CYP7B1: variants seen among roughly 807,000 people sequenced by gnomAD.
CYP7B1 encodes the protein cytochrome P450 7B1.
Under a neutral mutation model 42.7 loss-of-function variants are expected in CYP7B1, and 29 were observed. The observed-to-expected ratio is 0.68, with a 90% CI of 0.51 to 0.93. The LOEUF (loss-of-function observed/expected upper bound fraction) is 0.93, where lower values mean the gene tolerates loss of function less well. Ranked by LOEUF, CYP7B1 falls within the 40% of genes least tolerant of loss-of-function variation. The probability of loss-of-function intolerance (pLI) is 0.00; values close to 1 mark genes in which losing one functional copy is unlikely to be tolerated. For synonymous variants in CYP7B1, 235 were observed against 218.2 expected (o/e 1.08, Z -0.68); for missense variants, 655 against 600.5 (o/e 1.09, Z -0.95).
chr8:64,702,807 G>A (rs543676435), intron 1 of CYP7B1, among the ~76,000 whole-genome samples: 1 of 152,188 alleles, frequency 6.6e-6, no homozygotes, highest in East Asian at 1.9e-4. Context: ...CGGGCATGCA[G>A]AACCTAATGT....
intron 1 of CYP7B1, among the ~76,000 whole-genome samples, chr8:64,650,087 TTGCCTG>T (rs917698297): frequency 3.9e-5 from 6 of 152,336 alleles, no homozygotes; most frequent in Non-Finnish European, 7.3e-5. Flanking sequence ...TTTTATTTTG[TTGCCTG>T]TGCCTGTGCA....
At chr8:64,760,482 T>C (rs532878909) in intron 1 of CYP7B1, among the ~76,000 whole-genome samples, 16 of 152,146 alleles carry the variant, frequency 1.1e-4, no homozygotes, top group African/African-American at 3.9e-4. Flanking sequence ...CTAAAATATA[T>C]AAGGAATTCA....
intron 1 of CYP7B1, among the ~76,000 whole-genome samples, chr8:64,789,061 C>G (rs746320238): frequency 2.0e-5 from 3 of 152,120 alleles, no homozygotes; most frequent in Non-Finnish European, 4.4e-5. Context: ...GCTGGGATTA[C>G]AGGCACGCAC....
At chr8:64,688,351 C>T (rs1364133099) in intron 1 of CYP7B1, among the ~76,000 whole-genome samples, 1 of 152,156 alleles carries the variant, frequency 6.6e-6, no homozygotes, top group Non-Finnish European at 1.5e-5. Context: ...TTCCATTTCT[C>T]CTTTCTTCCT....
At chr8:64,791,137 A>G (rs906828629) in intron 1 of CYP7B1, among the ~76,000 whole-genome samples, 4 of 152,168 alleles carry the variant, frequency 2.6e-5, no homozygotes, top group African/African-American at 9.7e-5. Context: ...TTGATCTTAG[A>G]CTTCTAGCCT....
At chr8:64,749,311 T>A (rs917879447) in intron 1 of CYP7B1, among the ~76,000 whole-genome samples, 1 of 152,058 alleles carries the variant, frequency 6.6e-6, no homozygotes, top group African/African-American at 2.4e-5. Flanking sequence ...GAACTTGTGA[T>A]CTCAGGTGAT....
At chr8:64,691,488 G>A (rs981138174) in intron 1 of CYP7B1, among the ~76,000 whole-genome samples, 1 of 148,534 alleles carries the variant, frequency 6.7e-6, no homozygotes, top group African/African-American at 2.5e-5. Context: ...CAACTGGGGG[G>A]GGGGGGTGGT....
At chr8:64,688,682 T>C (rs1005210891) in intron 1 of CYP7B1, among the ~76,000 whole-genome samples, 1 of 152,134 alleles carries the variant, frequency 6.6e-6, no homozygotes. Flanking sequence ...CCCAGCACTT[T>C]GGGAGGCTGA....
intron 1 of CYP7B1, among the ~76,000 whole-genome samples, chr8:64,721,449 T>C (rs1297675678): frequency 6.6e-6 from 1 of 152,190 alleles, no homozygotes; most frequent in Non-Finnish European, 1.5e-5. Flanking sequence ...GGTCTAAATA[T>C]ATCAATCTGT....
chr8:64,631,697 T>C (rs950735946), intron 1 of CYP7B1, among the ~76,000 whole-genome samples: 1 of 152,000 alleles, frequency 6.6e-6, no homozygotes, highest in Non-Finnish European at 1.5e-5. Context: ...TTTTGAAAAA[T>C]AAGGAACTCC....
chr8:64,727,636 T>C (rs898891888), intron 1 of CYP7B1, among the ~76,000 whole-genome samples: 3 of 152,184 alleles, frequency 2.0e-5, no homozygotes, highest in African/African-American at 7.2e-5. Flanking sequence ...AGTAGAAATC[T>C]TTAGGCAAAG....
chr8:64,626,400 A>G (rs900079827), intron 1 of CYP7B1, among the ~76,000 whole-genome samples: 1 of 152,222 alleles, frequency 6.6e-6, no homozygotes, highest in Non-Finnish European at 1.5e-5. Flanking sequence ...TCAGATGTCA[A>G]TTAGACTGGA....
At chr8:64,730,148 G>A (rs757406686) in intron 1 of CYP7B1, among the ~76,000 whole-genome samples, 16 of 152,088 alleles carry the variant, frequency 1.1e-4, no homozygotes, top group Non-Finnish European at 1.8e-4. Flanking sequence ...TGCAACCTCC[G>A]CCTCCTGGGT....
intron 1 of CYP7B1, among the ~76,000 whole-genome samples, chr8:64,764,915 C>A (rs1437317166): frequency 6.6e-6 from 1 of 151,804 alleles, no homozygotes; most frequent in Non-Finnish European, 1.5e-5. Context: ...ATCTCAATTA[C>A]CACACAAAGT....
chr8:64,763,192 T>C (rs1422362430), intron 1 of CYP7B1, among the ~76,000 whole-genome samples: 1 of 152,216 alleles, frequency 6.6e-6, no homozygotes, highest in Non-Finnish European at 1.5e-5. Context: ...CTGCTCCTGA[T>C]CGGGCTAAAG....
intron 1 of CYP7B1, among the ~76,000 whole-genome samples, chr8:64,654,238 T>C (rs1389087141): frequency 6.6e-6 from 1 of 152,232 alleles, no homozygotes; most frequent in Non-Finnish European, 1.5e-5. Context: ...ACTATCCCTG[T>C]TTGCAGACAA....
At chr8:64,615,439 G>A in intron 3 of CYP7B1, among the ~76,000 whole-genome samples, 1 of 123,020 alleles carries the variant, frequency 8.1e-6, no homozygotes, top group Non-Finnish European at 1.7e-5. Flanking sequence ...TGTGGTGGGG[G>A]ATGAGATAAG....
At chr8:64,671,761 T>C (rs1806370939) in intron 1 of CYP7B1, among the ~76,000 whole-genome samples, 1 of 152,050 alleles carries the variant, frequency 6.6e-6, no homozygotes. Flanking sequence ...TACACACACG[T>C]ATATATCTCC....
chr8:64,698,020 T>C (rs887566600), intron 1 of CYP7B1, among the ~76,000 whole-genome samples: 2 of 152,232 alleles, frequency 1.3e-5, no homozygotes, highest in African/African-American at 4.8e-5. Flanking sequence ...CCTTAGTCCA[T>C]GGCCTTGTAT....
Sources: gnomAD v4.1 joint callset for allele counts (sites outside exome capture counted in the v4.1 genomes callset) on GRCh38, gnomAD v4.1.1 for gene constraint, MANE v1.5 for transcripts, NCBI Gene and HGNC (gene_info 2026-07-23, HGNC 2026-07-21) for gene names.